Variants in MAGI3 observed in about 807,000 individuals in gnomAD.
MAGI3 encodes the protein membrane associated guanylate kinase, WW and PDZ domain containing 3, also known as membrane-associated guanylate kinase, WW and PDZ domain-containing protein 3.
In MAGI3, 43 loss-of-function variants were observed where a neutral mutation model predicts 121.8. The ratio of observed to expected loss-of-function variants is 0.35; its 90% confidence interval spans 0.28 to 0.46. The LOEUF (loss-of-function observed/expected upper bound fraction) is 0.46, where lower values mean the gene tolerates loss of function less well. MAGI3 is among the 20% of genes least tolerant of loss of function. MAGI3 has a pLI of 1.00. For synonymous variants in MAGI3, 553 were observed against 639.3 expected, an observed-to-expected ratio of 0.86 and a Z score of 2.04; for missense variants, 1,547 against 1,797.3, an observed-to-expected ratio of 0.86 and a Z score of 2.52.
intron 2 of MAGI3, among the ~76,000 whole-genome samples, chr1:113,559,907 G>A (rs1250346520): frequency 2.0e-5 from 3 of 152,124 alleles, no homozygotes; most frequent in Admixed American, 6.5e-5. Flanking sequence ...AAGAGACTTA[G>A]ACTCCCACAC....
At chr1:113,602,608 T>A (rs1649474827) in intron 6 of MAGI3, among the ~76,000 whole-genome samples, 1 of 151,992 alleles carries the variant, frequency 6.6e-6, no homozygotes, top group Admixed American at 6.6e-5. Flanking sequence ...TAACAGAAGA[T>A]CGGAGCAGAA....
At chr1:113,484,567 A>G (rs903885518) in intron 1 of MAGI3, among the ~76,000 whole-genome samples, 2 of 151,814 alleles carry the variant, frequency 1.3e-5, no homozygotes, top group African/African-American at 4.8e-5. Flanking sequence ...GGTTGTTGCA[A>G]ATACCATTAT....
chr1:113,607,388 A>G (rs1004889442), intron 6 of MAGI3, among the ~76,000 whole-genome samples: 1 of 152,162 alleles, frequency 6.6e-6, no homozygotes, highest in South Asian at 2.1e-4. Context: ...ATTTGTGCCC[A>G]GTTAAGTGGA....
In MAGI3 at chr1:113,671,789, GCA is replaced by G; in HGVS notation, c.2874_2875del (p.His958GlnfsTer21). 1 of 1,614,224 alleles carries G rather than the reference GCA, an allele frequency of 6.2e-7. No homozygotes were observed. The highest frequency in any genetic ancestry group is 8.5e-7 in the Non-Finnish European group (1 of 1,180,026). Reference sequence around the variant, plus strand: ...CAGCCAGGCAAAGCCCAGCCCTGCAGCACAGGCCCATGGGACAGTCACAGGCC... The same window carrying G: ...CAGCCAGGCAAAGCCCAGCCCTGCAGCAGGCCCATGGGACAGTCACAGGCC... ...NSARQSPALQ[H>X]RPMGQSQANH... On this transcript the variant is annotated frameshift_variant, in exon 17 of 21. Coordinates refer to ENST00000307546, the MANE Select transcript of MAGI3 (RefSeq NM_001142782.2). LOFTEE classifies it high-confidence loss of function.
At chr1:113,622,296 A>G (rs182490721) in intron 8 of MAGI3, among the ~76,000 whole-genome samples, 28 of 152,298 alleles carry the variant, frequency 1.8e-4, no homozygotes, top group African/African-American at 6.7e-4. Flanking sequence ...GCAGATGTGA[A>G]TCACTAGGGT....
intron 1 of MAGI3, among the ~76,000 whole-genome samples, chr1:113,436,417 A>G (rs1306458460): frequency 6.6e-6 from 1 of 152,176 alleles, no homozygotes; most frequent in Non-Finnish European, 1.5e-5. Context: ...GATGGAGATG[A>G]TACAGAGTAG....
chr1:113,506,095 A>G (rs1333130375), intron 1 of MAGI3, among the ~76,000 whole-genome samples: 2 of 152,198 alleles, frequency 1.3e-5, no homozygotes, highest in Non-Finnish European at 2.9e-5. Context: ...GCTCTGGAGT[A>G]GGCAAGAGAT....
At chr1:113,635,367 A>C (rs1313367344) in intron 9 of MAGI3, among the ~76,000 whole-genome samples, 1 of 152,200 alleles carries the variant, frequency 6.6e-6, no homozygotes, top group African/African-American at 2.4e-5. Context: ...TGGGTTTGTC[A>C]TAGATAGCTC....
intron 1 of MAGI3, among the ~76,000 whole-genome samples, chr1:113,533,134 T>TA (rs1279522590): frequency 6.6e-6 from 1 of 152,222 alleles, no homozygotes; most frequent in Non-Finnish European, 1.5e-5. Context: ...ACAGCAGCTC[T>TA]AAGTTATATG....
intron 4 of MAGI3, among the ~76,000 whole-genome samples, chr1:113,586,606 AT>A (rs1156588748): frequency 1.3e-5 from 2 of 152,200 alleles, no homozygotes; most frequent in African/African-American, 2.4e-5. Context: ...GTTTAGGTGA[AT>A]TCACATCTAA....
At chr1:113,606,215 C>T (rs1649764577) in intron 6 of MAGI3, among the ~76,000 whole-genome samples, 1 of 152,070 alleles carries the variant, frequency 6.6e-6, no homozygotes, top group Admixed American at 6.6e-5. Flanking sequence ...GATCCACCCA[C>T]CTCAGGCTCC....
At chr1:113,532,674 A>G (rs1022311828) in intron 1 of MAGI3, among the ~76,000 whole-genome samples, 9 of 152,166 alleles carry the variant, frequency 5.9e-5, no homozygotes, top group Admixed American at 5.2e-4. Flanking sequence ...ACAAAAGTGT[A>G]TTTGGTTTTA....
At chr1:113,572,804 C>T (rs185869419) in intron 2 of MAGI3, among the ~76,000 whole-genome samples, 156 of 152,162 alleles carry the variant, frequency 1.0e-3, no homozygotes, top group African/African-American at 3.6e-3. Context: ...TTTATTCTGG[C>T]TAGTTGCCTG....
Position 113,422,320 on chromosome 1 carries a change from T to C in MAGI3, c.316+30971T>C, listed in dbSNP as rs1652765566. 2.0e-5 allele frequency among the ~76,000 whole-genome samples: 3 copies of C among 152,242 alleles called. No individual in the cohort carries two copies. The highest frequency in any genetic ancestry group is 7.2e-5 in the African/African-American group (3 of 41,468). ...CTATTCATTTGTGCATGTGTATGTG[T>C]GACAGCATCCTTAGGGTGTTGCTTC... is the stretch of plus-strand genomic sequence containing the variant. On this transcript the variant is annotated intron_variant, in intron 1 of 20. Transcript: ENST00000307546. The surrounding 1 kb of genome is among the most constrained non-coding windows in gnomAD (Gnocchi z 4.3).
chr1:113,629,757 T>TCTCCCTCTCC (rs1416449345), intron 9 of MAGI3, among the ~76,000 whole-genome samples: 27,543 of 93,772 alleles, frequency 0.29, 4,388 homozygotes, highest in African/African-American at 0.49. Context: ...TCTCTCTCTC[T>TCTCCCTCTCC]CTCTCCCTCC....
At chr1:113,612,546 T>C (rs937518741) in intron 6 of MAGI3, among the ~76,000 whole-genome samples, 11 of 150,688 alleles carry the variant, frequency 7.3e-5, no homozygotes, top group African/African-American at 2.8e-4. Flanking sequence ...TTAGTCTTGA[T>C]TTTTATTACC....
chr1:113,459,178 C>T (rs1336588418), intron 1 of MAGI3, among the ~76,000 whole-genome samples: 1 of 152,074 alleles, frequency 6.6e-6, no homozygotes, highest in Non-Finnish European at 1.5e-5. Context: ...ACTTTGATGG[C>T]TAAGATTTTG....
Position 113,653,872 on chromosome 1 carries a change from C to A in MAGI3, c.2483C>A (p.Thr828Lys), listed in dbSNP as rs781350335. The A allele has an allele frequency of 1.2e-5, 20 of 1,612,886 alleles. No individual in the cohort carries two copies. Among genetic ancestry groups the A allele is most frequent in the Admixed American group, 1.7e-5 (1 of 59,788 alleles). Residue 828 changes from threonine to lysine, a missense_variant, in exon 15 of 21, where the codon ACA becomes AAA. Physicochemically the swap from Thr to Lys is moderately conservative, Grantham distance 78 (BLOSUM62 -1). Coordinates refer to ENST00000307546, the MANE Select transcript of MAGI3 (RefSeq NM_001142782.2). ...GACAGCTCTCAGGCCTTCATTTCAA[C>A]ACAGAATGGATCTCCCCGCCTGAAC... The part of the protein sequence containing the change: ...EDDSSQAFIS[T>K]QNGSPRLNRA...
At chr1:113,442,630 C>T (rs10776770) in intron 1 of MAGI3, among the ~76,000 whole-genome samples, 82,791 of 151,202 alleles carry the variant, frequency 0.55, 23,884 homozygotes, top group African/African-American at 0.72. Flanking sequence ...ATACAATGAT[C>T]GTATATATAA....
Sources: gnomAD v4.1 joint callset for allele counts (sites outside exome capture counted in the v4.1 genomes callset) on GRCh38, gnomAD v4.1.1 for gene constraint, Gnocchi (gnomAD v3.1) non-coding constraint, MANE v1.5 for transcripts, NCBI Gene and HGNC (gene_info 2026-07-23, HGNC 2026-07-21) for gene names.